SYT16: variants seen among roughly 807,000 people sequenced by gnomAD.
SYT16 encodes the protein synaptotagmin-16.
A neutral mutation model predicts 61.4 loss-of-function variants in SYT16; 42 were observed. That is an observed-to-expected ratio of 0.68 (90% CI 0.53 to 0.89). SYT16 has a LOEUF of 0.89. Among genes scored for constraint, SYT16 ranks in the 40% least tolerant of loss-of-function variants. The pLI, the probability that SYT16 is intolerant of heterozygous loss-of-function variation, is 0.00. For missense variants in SYT16, 804 were observed against 807.3 expected (o/e 1.00, Z 0.05); for synonymous variants, 314 against 302.3 (o/e 1.04, Z -0.40).
intron 1 of SYT16, among the ~76,000 whole-genome samples, chr14:61,826,658 C>T (rs2045779711): frequency 6.6e-6 from 1 of 151,932 alleles, no homozygotes; most frequent in South Asian, 2.1e-4. Context: ...TTTCCAAACC[C>T]ACAGCCTCTC....
intron 1 of SYT16, among the ~76,000 whole-genome samples, chr14:61,947,312 T>TGTGTGTGTGTGTGTGTG (rs1447890216): frequency 1.7e-4 from 11 of 65,042 alleles, no homozygotes; most frequent in East Asian, 4.7e-4. Context: ...GTGTGTGTGT[T>TGTGTGTGTGTGTGTGTG]TGTGTAAAAT....
At position 61,828,419 on chromosome 14, in the gene SYT16, C is replaced by T. The variant is rs113692844; in HGVS notation, c.-325+15609C>T. On this transcript the variant is annotated intron_variant, in intron 1 of 7. Transcript: ENST00000683842. ...TCTCTTAATAATATTTCCCTTCTGTCCAAATAACTTCCTTTAGCAATTCTT... is the reference window on the plus strand; with the variant it reads ...TCTCTTAATAATATTTCCCTTCTGTTCAAATAACTTCCTTTAGCAATTCTT... Among the ~76,000 whole-genome samples the T allele has an allele frequency of 9.1e-3, 1,383 of 152,318 alleles. 10 individuals carry two copies. Among genetic ancestry groups the T allele is most frequent in the Non-Finnish European group, 0.013 (906 of 68,022 alleles).
At chr14:61,904,559 T>A (rs2048635523) in intron 1 of SYT16, among the ~76,000 whole-genome samples, 1 of 152,160 alleles carries the variant, frequency 6.6e-6, no homozygotes, top group Non-Finnish European at 1.5e-5. Context: ...GTCTTGGAAA[T>A]GGTATGTGGA....
At chr14:61,998,037 C>T (rs2052838825) in intron 3 of SYT16, among the ~76,000 whole-genome samples, 1 of 151,878 alleles carries the variant, frequency 6.6e-6, no homozygotes, top group Non-Finnish European at 1.5e-5. Flanking sequence ...GGAAAGCTAA[C>T]AATGTTAAGA....
At chr14:62,051,912 G>A (rs1263751710) in intron 3 of SYT16, among the ~76,000 whole-genome samples, 2 of 152,152 alleles carry the variant, frequency 1.3e-5, no homozygotes, top group Admixed American at 6.5e-5. Context: ...CACACCTGTA[G>A]TCTCAGTTCC....
chr14:61,950,780 CAG>C (rs985544010), intron 1 of SYT16, among the ~76,000 whole-genome samples: 48 of 152,168 alleles, frequency 3.2e-4, no homozygotes, highest in Admixed American at 7.9e-4. Flanking sequence ...GACAGTAAAA[CAG>C]ACAATTTATG....
At chr14:61,999,788 C>T (rs994579016) in intron 3 of SYT16, among the ~76,000 whole-genome samples, 5 of 150,914 alleles carry the variant, frequency 3.3e-5, no homozygotes, top group Non-Finnish European at 7.4e-5. Flanking sequence ...TTCTAATTTC[C>T]CTTGTTACTC....
chr14:62,010,882 G>A (rs1462812582), intron 3 of SYT16, among the ~76,000 whole-genome samples: 1 of 152,238 alleles, frequency 6.6e-6, no homozygotes, highest in East Asian at 1.9e-4. Context: ...CTCACAAAAA[G>A]TAGCCACTGC....
intron 1 of SYT16, among the ~76,000 whole-genome samples, chr14:61,896,383 T>C (rs1050334019): frequency 4.6e-5 from 7 of 152,218 alleles, no homozygotes; most frequent in African/African-American, 1.7e-4. Flanking sequence ...CATTTCCACA[T>C]ACCTACTCAT....
intron 3 of SYT16, among the ~76,000 whole-genome samples, chr14:62,052,177 T>G (rs1485262390): frequency 1.3e-5 from 2 of 152,182 alleles, no homozygotes; most frequent in African/African-American, 4.8e-5. Flanking sequence ...TTTTCAATCT[T>G]TTTTTGCTTT....
At chr14:61,818,226 C>G (rs1418093100) in intron 1 of SYT16, among the ~76,000 whole-genome samples, 1 of 152,146 alleles carries the variant, frequency 6.6e-6, no homozygotes, top group African/African-American at 2.4e-5. Context: ...GGTATTTCAC[C>G]AGGCTTGTTG....
chr14:61,947,736 G>T (rs1385553502), intron 1 of SYT16, among the ~76,000 whole-genome samples: 1 of 152,172 alleles, frequency 6.6e-6, no homozygotes, highest in Non-Finnish European at 1.5e-5. Context: ...ACAGCCTCGT[G>T]GGGATAACAG....
At chr14:61,874,842 C>A (rs946053469) in intron 1 of SYT16, among the ~76,000 whole-genome samples, 9 of 151,420 alleles carry the variant, frequency 5.9e-5, no homozygotes, top group Non-Finnish European at 1.3e-4. Context: ...AGGCATGTGC[C>A]AAATGATGGA....
At chr14:62,032,444 A>G (rs2054343325) in intron 3 of SYT16, among the ~76,000 whole-genome samples, 3 of 152,084 alleles carry the variant, frequency 2.0e-5, no homozygotes, top group Admixed American at 2.0e-4. Flanking sequence ...TCCTGCAAGC[A>G]GTGGCAATTT....
intron 1 of SYT16, among the ~76,000 whole-genome samples, chr14:61,900,260 G>C (rs1290785983): frequency 6.6e-6 from 1 of 151,004 alleles, no homozygotes; most frequent in Non-Finnish European, 1.5e-5. Flanking sequence ...CCAGGTTCAA[G>C]TGATTCTCCT....
In SYT16 at chr14:61,835,250, A is replaced by ATTT. The variant is rs11378872; in HGVS notation, c.-325+22463_-325+22465dup. Reference sequence around the variant, plus strand: ...GTAAATGTTGTCTCATGAAAGGTGAATTTTTTTTTTTTTTTTTTTTTTTTT... The same window carrying ATTT: ...GTAAATGTTGTCTCATGAAAGGTGAATTTTTTTTTTTTTTTTTTTTTTTTTTTT... On this transcript the variant is annotated intron_variant, in intron 1 of 7. Coordinates refer to ENST00000683842, the MANE Select transcript of SYT16 (RefSeq NM_001367656.1). Among the ~76,000 whole-genome samples the ATTT allele has an allele frequency of 8.0e-3, 885 of 110,734 alleles. 28 individuals are homozygous for ATTT. The highest frequency in any genetic ancestry group is 0.018 in the African/African-American group (508 of 28,376). 72.6% of individuals were successfully genotyped at this position (110,734 alleles called of 152,430 possible).
At chr14:61,814,126 A>G (rs964293878) in intron 1 of SYT16, among the ~76,000 whole-genome samples, 2 of 152,182 alleles carry the variant, frequency 1.3e-5, no homozygotes, top group Admixed American at 6.5e-5. Context: ...CTGTTTTGCC[A>G]TCATCTGATA....
intron 1 of SYT16, chr14:61,897,408 G>A (rs2048362832): frequency 6.6e-6 from 1 of 151,584 alleles, no homozygotes; most frequent in Non-Finnish European, 1.5e-5. Flanking sequence ...GAAAGCGGGT[G>A]GAAAAAGTTG....
intron 2 of SYT16, among the ~76,000 whole-genome samples, chr14:61,980,541 A>C (rs2025593433): frequency 6.6e-6 from 1 of 152,188 alleles, no homozygotes; most frequent in Admixed American, 6.5e-5. Context: ...GGTGTGTGCA[A>C]ATTCCAAAAA....
Sources: gnomAD v4.1 joint callset for allele counts (sites outside exome capture counted in the v4.1 genomes callset) on GRCh38, gnomAD v4.1.1 for gene constraint, MANE v1.5 for transcripts, NCBI Gene and HGNC (gene_info 2026-07-23, HGNC 2026-07-21) for gene names.